Variants in MAP2 observed in about 807,000 individuals in gnomAD.
The protein encoded by MAP2 is microtubule associated protein 2, also known as microtubule-associated protein 2.
MAP2 carries 14 observed loss-of-function variants against 137.6 expected under a neutral mutation model. The observed-to-expected ratio is 0.10, with a 90% confidence interval of 0.07 to 0.16. MAP2 has a LOEUF of 0.16. MAP2 is among the 10% of genes least tolerant of loss of function. The pLI is 1.00. For synonymous variants in MAP2, 786 were observed against 782.3 expected, an observed-to-expected ratio of 1.00 and a Z score of -0.08; for missense variants, 2,088 against 2,191.5, an observed-to-expected ratio of 0.95 and a Z score of 0.94.
At chr2:209,553,700 G>T (rs1233179492) in intron 2 of MAP2, among the ~76,000 whole-genome samples, 1 of 152,034 alleles carries the variant, frequency 6.6e-6, no homozygotes, top group Non-Finnish European at 1.5e-5. Context: ...TTATTTTTGG[G>T]CTATCCCTTC....
chr2:209,609,871 T>G (rs2086208959), intron 3 of MAP2, among the ~76,000 whole-genome samples: 1 of 152,156 alleles, frequency 6.6e-6, no homozygotes, highest in Non-Finnish European at 1.5e-5. Context: ...TCTTATTATT[T>G]TAGATGCTGG....
intron 2 of MAP2, among the ~76,000 whole-genome samples, chr2:209,521,451 C>T (rs11885999): frequency 0.2 from 30,460 of 150,936 alleles, 4,196 homozygotes; most frequent in African/African-American, 0.39. Flanking sequence ...TATGATTCAA[C>T]TTATTCTTCA....
Position 209,659,943 on chromosome 2 carries a change from T to C in MAP2, c.262+6511T>C, listed in dbSNP as rs557637001. Among the ~76,000 whole-genome samples, 24 of 151,442 alleles carry C rather than the reference T, an allele frequency of 1.6e-4. No individual in the cohort carries two copies. In the East Asian group the frequency reaches 2.9e-3, roughly 19 times the overall value. On this transcript the variant is annotated intron_variant, in intron 5 of 15. Transcript: ENST00000682079. Reference sequence around the variant, plus strand: ...GTCCCAGCTACTTAGGAGGCTGAGGTAGGAGAATGGTGTGAACCCAGGAGG... The same window carrying C: ...GTCCCAGCTACTTAGGAGGCTGAGGCAGGAGAATGGTGTGAACCCAGGAGG...
chr2:209,425,622 C>T (rs1264157155), intron 1 of MAP2, among the ~76,000 whole-genome samples: 2 of 152,132 alleles, frequency 1.3e-5, no homozygotes, highest in Non-Finnish European at 2.9e-5. Context: ...TGATTGCAAA[C>T]TGAAATTGAG....
intron 10 of MAP2, among the ~76,000 whole-genome samples, chr2:209,698,797 T>C (rs192732465): frequency 2.3e-4 from 35 of 152,286 alleles, no homozygotes; most frequent in African/African-American, 6.3e-4. Context: ...TAATAGCAAA[T>C]TAATAGCTTC....
chr2:209,678,829 T>C, intron 6 of MAP2, 144 bp downstream of exon 6: 1 of 439,292 alleles, frequency 2.3e-6, no homozygotes, highest in Non-Finnish European at 4.1e-6. Flanking sequence ...GGGTATGCAC[T>C]AGGACCTATT....
intron 3 of MAP2, among the ~76,000 whole-genome samples, chr2:209,583,253 C>T (rs2076948501): frequency 6.6e-6 from 1 of 151,814 alleles, no homozygotes; most frequent in African/African-American, 2.4e-5. Flanking sequence ...AACTAATATT[C>T]AAGCTCTATT....
chr2:209,641,325 C>T (rs552708379), intron 4 of MAP2, among the ~76,000 whole-genome samples: 12 of 152,218 alleles, frequency 7.9e-5, no homozygotes, highest in African/African-American at 2.9e-4. Context: ...AAGTTTAAAA[C>T]AAAATACATT....
In MAP2 at chr2:209,695,566, A is replaced by G. The variant is rs2059971293; in HGVS notation, c.3396A>G (p.Glu1132=). Residue 1132 remains glutamate, a synonymous_variant, in exon 8 of 16, where the codon GAA becomes GAG. Transcript: ENST00000682079. ...QEAVDKEESY[E]SSGEHESLTM... Reference sequence around the variant, plus strand: ...CTGTAGACAAGGAGGAGTCCTATGAATCTAGTGGTGAGCATGAAAGTCTCA... The same window carrying G: ...CTGTAGACAAGGAGGAGTCCTATGAGTCTAGTGGTGAGCATGAAAGTCTCA... 4 of 1,614,070 alleles carry G rather than the reference A, an allele frequency of 2.5e-6. No individual in the cohort carries two copies. The highest frequency in any genetic ancestry group is 2.5e-6 in the Non-Finnish European group (3 of 1,180,002).
At chr2:209,578,406 T>C (rs1169487455) in intron 2 of MAP2, among the ~76,000 whole-genome samples, 1 of 146,854 alleles carries the variant, frequency 6.8e-6, no homozygotes, top group African/African-American at 2.7e-5. Context: ...ATGGAGGCGA[T>C]TCTTTCAAGA....
chr2:209,653,477 G>A (rs184637638), intron 5 of MAP2, 45 bp downstream of exon 5: 168 of 1,534,262 alleles, frequency 1.1e-4, no homozygotes, highest in Non-Finnish European at 1.4e-4. Context: ...TTTGTGCTTT[G>A]AAGTCAGTTT....
At chr2:209,636,314 C>T (rs2093557738) in intron 4 of MAP2, among the ~76,000 whole-genome samples, 1 of 152,146 alleles carries the variant, frequency 6.6e-6, no homozygotes, top group African/African-American at 2.4e-5. Flanking sequence ...AAGCAAAGGG[C>T]CAACACAATC....
chr2:209,432,390 G>A (rs993627410), intron 1 of MAP2, among the ~76,000 whole-genome samples: 8 of 152,074 alleles, frequency 5.3e-5, no homozygotes, highest in Non-Finnish European at 8.8e-5. Context: ...ATTGGGTGTT[G>A]CTGTGGTTCC....
intron 14 of MAP2, among the ~76,000 whole-genome samples, chr2:209,726,831 A>G (rs2074241983): frequency 6.6e-6 from 1 of 152,186 alleles, no homozygotes; most frequent in Non-Finnish European, 1.5e-5. Flanking sequence ...TTTTCTTGAG[A>G]ATATTTTGAC....
intron 7 of MAP2, among the ~76,000 whole-genome samples, chr2:209,685,303 T>C (rs1026269385): frequency 6.6e-5 from 10 of 152,158 alleles, no homozygotes; most frequent in African/African-American, 2.2e-4. Flanking sequence ...AAATAAATAT[T>C]CCATTTATTA....
intron 1 of MAP2, among the ~76,000 whole-genome samples, chr2:209,460,777 C>T (rs1273054081): frequency 2.0e-5 from 3 of 152,044 alleles, no homozygotes; most frequent in East Asian, 1.9e-4. Flanking sequence ...GAGACAGAGT[C>T]TCACTGTGTC....
chr2:209,721,243 C>G (rs545657860), intron 13 of MAP2, among the ~76,000 whole-genome samples: 2 of 152,194 alleles, frequency 1.3e-5, no homozygotes, highest in East Asian at 3.9e-4. Flanking sequence ...TTCTTTCTAC[C>G]CTACCATTAA....
At chr2:209,521,987 A>G (rs1474242914) in intron 2 of MAP2, among the ~76,000 whole-genome samples, 1 of 152,148 alleles carries the variant, frequency 6.6e-6, no homozygotes, top group Non-Finnish European at 1.5e-5. Flanking sequence ...TGGTTCAGAA[A>G]GTATTGTTTT....
intron 2 of MAP2, among the ~76,000 whole-genome samples, chr2:209,566,034 A>C (rs183800574): frequency 6.6e-6 from 1 of 152,258 alleles, no homozygotes; most frequent in African/African-American, 2.4e-5. Flanking sequence ...TCTGTTTTTC[A>C]TTCTCCCTCA....
Sources: gnomAD v4.1 joint callset for allele counts (sites outside exome capture counted in the v4.1 genomes callset) on GRCh38, gnomAD v4.1.1 for gene constraint, MANE v1.5 for transcripts, NCBI Gene and HGNC (gene_info 2026-07-23, HGNC 2026-07-21) for gene names.